The following SMOC1 variants were observed in gnomAD, a reference collection of about 807,000 sequenced individuals.
The protein encoded by SMOC1 is SPARC-related modular calcium-binding protein 1.
SMOC1 carries 22 observed loss-of-function variants against 56.3 expected under a neutral mutation model. The observed-to-expected ratio is 0.39, with a 90% CI of 0.28 to 0.56. The LOEUF (loss-of-function observed/expected upper bound fraction) is 0.56, where lower values mean the gene tolerates loss of function less well. Among genes scored for constraint, SMOC1 ranks in the 20% least tolerant of loss-of-function variants. The pLI is 0.61. For synonymous variants in SMOC1, 193 were observed against 215.0 expected (o/e 0.90, Z 0.89); for missense variants, 509 against 565.4 (o/e 0.90, Z 1.01).
In SMOC1 at chr14:69,879,726, G is replaced by A. The variant is rs755468508; in HGVS notation, c.48G>A (p.Leu16=). The part of the protein sequence containing the change: ...CARLLTPHLL[L]VLVQLSPARG... ...GCCTGCTCACGCCCCACTTGCTGCT[G>A]GTGTTGGTGCAGCTGTCCCCTGCTC... is the stretch of plus-strand genomic sequence containing the variant. The change falls in exon 1 of 12, where the codon CTG becomes CTA. Residue 16 remains leucine, a synonymous_variant. Transcript: ENST00000361956. 2.5e-5 allele frequency: 40 copies of A among 1,591,202 alleles called. No individual in the cohort carries two copies. In the Admixed American group the frequency reaches 5.3e-4, roughly 21 times the overall value.
At chr14:69,959,128 T>C (rs530678969) in intron 3 of SMOC1, among the ~76,000 whole-genome samples, 113 of 152,316 alleles carry the variant, frequency 7.4e-4, no homozygotes, top group African/African-American at 2.4e-3. Flanking sequence ...ACAAGAATGG[T>C]GTAATGTTAT....
intron 1 of SMOC1, among the ~76,000 whole-genome samples, chr14:69,905,428 C>G (rs954517106): frequency 3.9e-5 from 6 of 152,224 alleles, no homozygotes; most frequent in Admixed American, 2.6e-4. Context: ...GGTGACCCAT[C>G]ATGAGGGACA....
intron 10 of SMOC1, among the ~76,000 whole-genome samples, chr14:70,022,922 C>A (rs926026557): frequency 2.6e-5 from 4 of 152,200 alleles, no homozygotes; most frequent in Admixed American, 1.3e-4. Flanking sequence ...CTTGAGCACC[C>A]ATCATGTACA....
chr14:69,917,200 A>G (rs1884708779), intron 1 of SMOC1, among the ~76,000 whole-genome samples: 1 of 152,264 alleles, frequency 6.6e-6, no homozygotes, highest in Admixed American at 6.5e-5. Flanking sequence ...TCACTTTGCA[A>G]TAGCAGAATG....
intron 11 of SMOC1, among the ~76,000 whole-genome samples, chr14:70,023,928 T>C (rs1885833300): frequency 1.3e-5 from 2 of 152,008 alleles, no homozygotes; most frequent in African/African-American, 2.4e-5. Flanking sequence ...GACTCTGCCA[T>C]CTTCATCATG....
intron 6 of SMOC1, 36 bp downstream of exon 6, chr14:69,992,509 C>A: frequency 6.8e-7 from 1 of 1,479,486 alleles, no homozygotes; most frequent in Non-Finnish European, 9.5e-7. Context: ...TTCATTCTCC[C>A]ACTCATTTTC....
intron 1 of SMOC1, among the ~76,000 whole-genome samples, chr14:69,951,294 G>A (rs891273232): frequency 2.0e-5 from 3 of 152,160 alleles, no homozygotes; most frequent in African/African-American, 7.2e-5. Context: ...GCAAGTTTCT[G>A]AGGCCAGTCC....
intron 10 of SMOC1, among the ~76,000 whole-genome samples, chr14:70,017,491 G>A (rs925535604): frequency 5.9e-5 from 9 of 152,214 alleles, no homozygotes; most frequent in African/African-American, 1.9e-4. Flanking sequence ...TAAGGAAGCC[G>A]CATCTGATCC....
intron 3 of SMOC1, among the ~76,000 whole-genome samples, chr14:69,956,599 G>T (rs1386564331): frequency 6.6e-6 from 1 of 152,070 alleles, no homozygotes; most frequent in African/African-American, 2.4e-5. Flanking sequence ...TGAAGTTTAT[G>T]GGGGGAGTGA....
intron 3 of SMOC1, among the ~76,000 whole-genome samples, chr14:69,959,951 C>A (rs61981763): frequency 0.033 from 5,015 of 152,236 alleles, 120 homozygotes; most frequent in Non-Finnish European, 0.05. Context: ...CTTTTTAGCT[C>A]CCCAGCCCCA....
chr14:69,926,105 CAA>C (rs1209433641), intron 1 of SMOC1, among the ~76,000 whole-genome samples: 1 of 151,850 alleles, frequency 6.6e-6, no homozygotes, highest in African/African-American at 2.4e-5. Context: ...AAAATCCTGA[CAA>C]AGTCTGCGAG....
intron 3 of SMOC1, among the ~76,000 whole-genome samples, chr14:69,972,078 A>G (rs546937993): frequency 9.8e-5 from 15 of 152,324 alleles, no homozygotes; most frequent in Non-Finnish European, 7.3e-5. Context: ...AACAACTAAG[A>G]TAAGTATTAT....
intron 2 of SMOC1, 144 bp downstream of exon 2, chr14:69,952,447 A>G: frequency 1.1e-6 from 1 of 937,730 alleles, no homozygotes; most frequent in Non-Finnish European, 1.6e-6. Context: ...ACCAGGGCCA[A>G]GGGAAGAAAG....
At chr14:69,889,968 C>G (rs765430470) in intron 1 of SMOC1, among the ~76,000 whole-genome samples, 21 of 152,228 alleles carry the variant, frequency 1.4e-4, no homozygotes, top group Non-Finnish European at 2.2e-4. Context: ...ATAATTCAAA[C>G]TAATCTCCTT....
intron 1 of SMOC1, among the ~76,000 whole-genome samples, chr14:69,923,328 AT>A (rs1054846696): frequency 4.6e-5 from 7 of 152,228 alleles, no homozygotes; most frequent in African/African-American, 1.4e-4. Context: ...ATGCAGCAAA[AT>A]TTTTTAAATT....
chr14:69,956,629 G>T (rs1287017411), intron 3 of SMOC1, among the ~76,000 whole-genome samples: 1 of 152,024 alleles, frequency 6.6e-6, no homozygotes, highest in Non-Finnish European at 1.5e-5. Context: ...AATGGGATTG[G>T]ATTTGTCTGG....
intron 1 of SMOC1, among the ~76,000 whole-genome samples, chr14:69,928,432 G>A (rs1409434438): frequency 1.3e-5 from 2 of 152,202 alleles, no homozygotes; most frequent in South Asian, 4.1e-4. Flanking sequence ...TGTTTATCCA[G>A]GCTCAGTGTG....
rs1185708773 is a variant in SMOC1 at position 70,018,877 on chromosome 14, C to A, written c.1047-4326C>A. Among the ~76,000 whole-genome samples the A allele has an allele frequency of 2.6e-5, 4 of 152,234 alleles. No individual in the cohort carries two copies. The East Asian group carries it at 7.7e-4, about 29-fold the overall frequency. On this transcript the variant is annotated intron_variant, in intron 10 of 11. Coordinates refer to ENST00000361956, the MANE Select transcript of SMOC1 (RefSeq NM_001034852.3). ...ATGTGGCTGACTTGGCATTTCCCAGCCGCACCCGCACAGCTGGCGGGGCCT... is the reference window on the plus strand; with the variant it reads ...ATGTGGCTGACTTGGCATTTCCCAGACGCACCCGCACAGCTGGCGGGGCCT...
intron 3 of SMOC1, among the ~76,000 whole-genome samples, chr14:69,961,272 G>GTATGTATATA (rs1883364103): frequency 1.3e-5 from 1 of 74,968 alleles, no homozygotes; most frequent in African/African-American, 6.1e-5. Flanking sequence ...ATTCTATTGT[G>GTATGTATATA]TATATATATA....
Sources: gnomAD v4.1 joint callset for allele counts (sites outside exome capture counted in the v4.1 genomes callset) on GRCh38, gnomAD v4.1.1 for gene constraint, MANE v1.5 for transcripts, NCBI Gene and HGNC (gene_info 2026-07-23, HGNC 2026-07-21) for gene names.